The following NPSR1 variants were observed in gnomAD, a reference collection of about 807,000 sequenced individuals.
NPSR1 encodes neuropeptide S receptor.
NPSR1 carries 48 observed loss-of-function variants against 46.9 expected under a neutral mutation model. That is an observed-to-expected ratio of 1.02 (90% CI 0.81 to 1.30). The LOEUF (loss-of-function observed/expected upper bound fraction) is 1.30. Among genes scored for constraint, NPSR1 ranks in the 50% most tolerant of loss-of-function variants. NPSR1 has a pLI of 0.00. For missense variants in NPSR1, 450 were observed against 449.5 expected (o/e 1.00, Z -0.01); for synonymous variants, 176 against 168.1 (o/e 1.05, Z -0.36).
intron 3 of NPSR1, among the ~76,000 whole-genome samples, chr7:34,795,588 G>T (rs1788136757): frequency 1.3e-5 from 2 of 152,074 alleles, no homozygotes; most frequent in Non-Finnish European, 2.9e-5. Context: ...ATATACAAAA[G>T]TTCATTGCTT....
intron 2 of NPSR1, among the ~76,000 whole-genome samples, chr7:34,715,210 C>G (rs917645699): frequency 1.3e-5 from 2 of 152,176 alleles, no homozygotes; most frequent in African/African-American, 4.8e-5. Flanking sequence ...GAAAAGTTAC[C>G]TAGTTTAGAA....
At chr7:34,775,863 C>T (rs1315276143) in intron 2 of NPSR1, among the ~76,000 whole-genome samples, 2 of 152,006 alleles carry the variant, frequency 1.3e-5, no homozygotes, top group African/African-American at 4.8e-5. Context: ...AATGAAGGTA[C>T]TAATAGCCAT....
chr7:34,724,581 C>T (rs979945145), intron 2 of NPSR1, among the ~76,000 whole-genome samples: 1 of 152,180 alleles, frequency 6.6e-6, no homozygotes, highest in Non-Finnish European at 1.5e-5. Context: ...TCCTCATGTG[C>T]TTTTGGGACT....
At chr7:34,693,170 T>A (rs930674891) in intron 2 of NPSR1, among the ~76,000 whole-genome samples, 1 of 152,032 alleles carries the variant, frequency 6.6e-6, no homozygotes, top group African/African-American at 2.4e-5. Context: ...CCTGAGCCCC[T>A]CCAAGAAGCC....
intron 2 of NPSR1, among the ~76,000 whole-genome samples, chr7:34,754,132 C>A (rs1291563982): frequency 6.6e-6 from 1 of 151,686 alleles, no homozygotes; most frequent in Non-Finnish European, 1.5e-5. Context: ...CTCCTCTTCT[C>A]CCCCTGTCCT....
At chr7:34,703,239 C>T (rs898462021) in intron 2 of NPSR1, among the ~76,000 whole-genome samples, 3 of 152,094 alleles carry the variant, frequency 2.0e-5, no homozygotes, top group African/African-American at 7.2e-5. Flanking sequence ...GGCGCGATGG[C>T]AGGCGCCTGT....
At chr7:34,856,747 A>G (rs1791057814) in intron 8 of NPSR1, among the ~76,000 whole-genome samples, 1 of 151,672 alleles carries the variant, frequency 6.6e-6, no homozygotes, top group Non-Finnish European at 1.5e-5. Context: ...GGTTCAGTTA[A>G]TGAAAACTCG....
chr7:34,786,422 A>T (rs932395424), intron 3 of NPSR1, among the ~76,000 whole-genome samples: 3 of 152,254 alleles, frequency 2.0e-5, no homozygotes, highest in Middle Eastern at 3.4e-3. Flanking sequence ...CTCCAGTGAA[A>T]TCTTGAACCC....
intron 2 of NPSR1, among the ~76,000 whole-genome samples, chr7:34,729,801 C>A (rs1034395355): frequency 6.6e-6 from 1 of 152,198 alleles, no homozygotes; most frequent in Non-Finnish European, 1.5e-5. Flanking sequence ...GGGACAGAGT[C>A]TTGCTCTGTC....
chr7:34,817,652 C>T (rs1167039672), intron 4 of NPSR1, among the ~76,000 whole-genome samples: 8 of 146,700 alleles, frequency 5.5e-5, no homozygotes, highest in Non-Finnish European at 9.0e-5. Context: ...TGATGAACAT[C>T]GATGTGAAAA....
At chr7:34,780,482 T>C (rs949147188) in intron 3 of NPSR1, among the ~76,000 whole-genome samples, 8 of 152,132 alleles carry the variant, frequency 5.3e-5, no homozygotes, top group Non-Finnish European at 8.8e-5. Flanking sequence ...CTCTCTTCTA[T>C]AAAGGAAGCA....
chr7:34,707,674 G>A (rs532783361), intron 2 of NPSR1, among the ~76,000 whole-genome samples: 2 of 152,120 alleles, frequency 1.3e-5, no homozygotes, highest in South Asian at 2.1e-4. Flanking sequence ...TTTCATCATC[G>A]AAAGCTCAGT....
chr7:34,849,517 C>A (rs755044380), intron 8 of NPSR1, 48 bp from the exon 9 acceptor site: 2 of 1,609,500 alleles, frequency 1.2e-6, no homozygotes, highest in Admixed American at 3.3e-5. Context: ...CTTGCCTTTT[C>A]ATTAGGTCAA....
intron 2 of NPSR1, among the ~76,000 whole-genome samples, chr7:34,687,632 C>T (rs1047517035): frequency 1.3e-5 from 2 of 152,162 alleles, no homozygotes; most frequent in Non-Finnish European, 1.5e-5. Context: ...CAATTACCTC[C>T]ACCTGGTCCT....
intron 2 of NPSR1, chr7:34,751,545 ATTC>A (rs1785526619): frequency 1.3e-6 from 2 of 1,581,532 alleles, no homozygotes; most frequent in Non-Finnish European, 1.7e-6. Flanking sequence ...CGAAACTTGT[ATTC>A]TTCTCCTTGG....
intron 2 of NPSR1, among the ~76,000 whole-genome samples, chr7:34,720,977 T>C (rs1307325634): frequency 1.3e-5 from 2 of 152,068 alleles, no homozygotes; most frequent in African/African-American, 4.8e-5. Flanking sequence ...AAGAAAAGGA[T>C]ATCTCTGAAA....
chr7:34,668,045 A>T (rs917756607), intron 1 of NPSR1, among the ~76,000 whole-genome samples: 1 of 152,096 alleles, frequency 6.6e-6, no homozygotes, highest in African/African-American at 2.4e-5. Context: ...CCCTCTGGAC[A>T]GAGTCTAAAG....
At chr7:34,825,863 G>A (rs1447116433) in intron 4 of NPSR1, among the ~76,000 whole-genome samples, 1 of 152,184 alleles carries the variant, frequency 6.6e-6, no homozygotes, top group African/African-American at 2.4e-5. Flanking sequence ...ACCTGGGGGA[G>A]GAGGAGGAAT....
chr7:34,734,830 C>T (rs1784593183), intron 2 of NPSR1, among the ~76,000 whole-genome samples: 1 of 152,226 alleles, frequency 6.6e-6, no homozygotes, highest in Non-Finnish European at 1.5e-5. Context: ...TAACAGATTT[C>T]AGTCTCCATG....
Sources: gnomAD v4.1 joint callset for allele counts (sites outside exome capture counted in the v4.1 genomes callset) on GRCh38, gnomAD v4.1.1 for gene constraint, MANE v1.5 for transcripts, NCBI Gene and HGNC (gene_info 2026-07-23, HGNC 2026-07-21) for gene names.